Variants in FGGY observed in about 807,000 individuals in gnomAD.
FGGY encodes FGGY carbohydrate kinase domain-containing protein.
FGGY carries 72 observed loss-of-function variants against 71.3 expected under a neutral mutation model. That is an observed-to-expected ratio of 1.01 (90% CI 0.84 to 1.23). FGGY has a LOEUF of 1.23. FGGY is among the 50% of genes most tolerant of loss of function. The pLI is 0.00. For missense variants in FGGY, 668 were observed against 682.3 expected (o/e 0.98, Z 0.23); for synonymous variants, 251 against 250.3 (o/e 1.00, Z -0.02).
chr1:59,415,556 C>T (rs931462456), intron 5 of FGGY, among the ~76,000 whole-genome samples: 5 of 152,198 alleles, frequency 3.3e-5, no homozygotes, highest in Non-Finnish European at 5.9e-5. Context: ...TCATTTCTTA[C>T]GATGTGCCCA....
chr1:59,559,666 A>G (rs1418754006), intron 8 of FGGY, among the ~76,000 whole-genome samples: 1 of 152,188 alleles, frequency 6.6e-6, no homozygotes, highest in African/African-American at 2.4e-5. Context: ...GGAATAGGAA[A>G]TATACAAGAT....
chr1:59,536,357 A>G (rs2095314683), intron 7 of FGGY, among the ~76,000 whole-genome samples: 1 of 152,240 alleles, frequency 6.6e-6, no homozygotes, highest in Non-Finnish European at 1.5e-5. Flanking sequence ...AACCAAAAAA[A>G]GTCCAGGACC....
intron 1 of FGGY, among the ~76,000 whole-genome samples, chr1:59,302,060 A>T (rs1381194655): frequency 6.6e-6 from 1 of 151,926 alleles, no homozygotes; most frequent in East Asian, 1.9e-4. Context: ...TTTAAAAAAG[A>T]TTCTTAATGT....
chr1:59,366,323 G>A (rs1205181165), intron 4 of FGGY, among the ~76,000 whole-genome samples: 5 of 152,224 alleles, frequency 3.3e-5, no homozygotes, highest in African/African-American at 9.6e-5. Context: ...GGGGTAATGC[G>A]TCTTGTCTAT....
chr1:59,726,466 T>C (rs979375641), intron 14 of FGGY, among the ~76,000 whole-genome samples: 1 of 152,146 alleles, frequency 6.6e-6, no homozygotes, highest in Non-Finnish European at 1.5e-5. Flanking sequence ...GTTTTTCTTC[T>C]GCTTATTTTC....
chr1:59,341,173 ACT>A (rs937294657), intron 3 of FGGY, among the ~76,000 whole-genome samples: 1 of 152,044 alleles, frequency 6.6e-6, no homozygotes, highest in African/African-American at 2.4e-5. Context: ...AAGCCACTTA[ACT>A]CTGTGTTTCT....
intron 5 of FGGY, among the ~76,000 whole-genome samples, chr1:59,446,630 G>A (rs2071313373): frequency 6.6e-6 from 1 of 152,146 alleles, no homozygotes; most frequent in Non-Finnish European, 1.5e-5. Flanking sequence ...TGTATCTTCA[G>A]GGCTGGTAAT....
intron 14 of FGGY, among the ~76,000 whole-genome samples, chr1:59,710,172 A>G (rs951236983): frequency 2.0e-5 from 3 of 152,212 alleles, no homozygotes; most frequent in Non-Finnish European, 2.9e-5. Context: ...TTTTTCACCT[A>G]TAAAACACAG....
intron 8 of FGGY, among the ~76,000 whole-genome samples, chr1:59,562,845 G>A (rs1290989082): frequency 1.3e-5 from 2 of 152,086 alleles, no homozygotes; most frequent in African/African-American, 4.8e-5. Context: ...ACTGATCTAT[G>A]CTATGTCAAA....
At chr1:59,537,534 A>G (rs1216701175) in intron 7 of FGGY, among the ~76,000 whole-genome samples, 1 of 152,272 alleles carries the variant, frequency 6.6e-6, no homozygotes, top group East Asian at 1.9e-4. Flanking sequence ...AGCCCGCATC[A>G]CCAAGTCAAT....
chr1:59,351,357 A>G (rs1330216389), intron 4 of FGGY, among the ~76,000 whole-genome samples: 1 of 152,192 alleles, frequency 6.6e-6, no homozygotes, highest in Non-Finnish European at 1.5e-5. Context: ...CTCATCATTT[A>G]GGTTTCAGTT....
chr1:59,317,220 A>G (rs1242536051), intron 1 of FGGY, among the ~76,000 whole-genome samples: 2 of 152,226 alleles, frequency 1.3e-5, no homozygotes, highest in Non-Finnish European at 2.9e-5. Flanking sequence ...TTATTGAAGA[A>G]GTAATCAAAG....
chr1:59,437,926 C>G (rs2068837562), intron 5 of FGGY, among the ~76,000 whole-genome samples: 1 of 152,152 alleles, frequency 6.6e-6, no homozygotes, highest in Admixed American at 6.5e-5. Flanking sequence ...TACAAGAGAC[C>G]ATTTAATGAG....
intron 8 of FGGY, among the ~76,000 whole-genome samples, chr1:59,593,873 ATCTTGAT>A (rs1335337267): frequency 6.6e-6 from 1 of 152,180 alleles, no homozygotes; most frequent in Non-Finnish European, 1.5e-5. Flanking sequence ...GTTCTGGAGA[ATCTTGAT>A]TCCCAAGAGC....
chr1:59,483,491 G>A lies in FGGY; in HGVS notation c.670+26415G>A, dbSNP rs375138151. Among the ~76,000 whole-genome samples the A allele has an allele frequency of 3.9e-5, 6 of 152,284 alleles. 1 individual carries two copies. The highest frequency in any genetic ancestry group is 7.2e-5 in the African/African-American group (3 of 41,566). Reference sequence around the variant, plus strand: ...AGAATAAAATACTTCTCTAGGATTTGTGATTATGACTTCAAACTTTTCCTA... The same window carrying A: ...AGAATAAAATACTTCTCTAGGATTTATGATTATGACTTCAAACTTTTCCTA... On this transcript the variant is annotated intron_variant, in intron 6 of 15. Coordinates refer to ENST00000303721, the MANE Select transcript of FGGY (RefSeq NM_018291.5).
chr1:59,334,256 C>T (rs568742681), intron 2 of FGGY, among the ~76,000 whole-genome samples: 38 of 152,112 alleles, frequency 2.5e-4, no homozygotes, highest in Admixed American at 3.9e-4. Context: ...AGTTCTCCTG[C>T]CTCAGCCTCC....
At chr1:59,634,363 C>T (rs1230916381) in intron 10 of FGGY, among the ~76,000 whole-genome samples, 2 of 152,064 alleles carry the variant, frequency 1.3e-5, no homozygotes, top group African/African-American at 4.8e-5. Flanking sequence ...GCTGAGATCA[C>T]ACCACTGCAC....
intron 5 of FGGY, among the ~76,000 whole-genome samples, chr1:59,449,561 G>T (rs1406295828): frequency 6.6e-6 from 1 of 152,126 alleles, no homozygotes; most frequent in Non-Finnish European, 1.5e-5. Flanking sequence ...GGGATTATAG[G>T]CGTGAGCCAC....
At chr1:59,534,413 T>A (rs1443306759) in intron 7 of FGGY, among the ~76,000 whole-genome samples, 1 of 151,510 alleles carries the variant, frequency 6.6e-6, no homozygotes, top group Non-Finnish European at 1.5e-5. Context: ...CTCTGCAGGA[T>A]ATTATCCAGG....
Sources: gnomAD v4.1 joint callset for allele counts (sites outside exome capture counted in the v4.1 genomes callset) on GRCh38, gnomAD v4.1.1 for gene constraint, MANE v1.5 for transcripts, NCBI Gene and HGNC (gene_info 2026-07-23, HGNC 2026-07-21) for gene names.